Variants in PADI2 observed in about 807,000 individuals in gnomAD.
PADI2 encodes the protein peptidyl arginine deiminase 2.
A neutral mutation model predicts 81.1 loss-of-function variants in PADI2; 70 were observed. The observed-to-expected ratio is 0.86, with a 90% confidence interval of 0.71 to 1.05. The LOEUF (loss-of-function observed/expected upper bound fraction) is 1.05. Among genes scored for constraint, PADI2 ranks in the 50% least tolerant of loss-of-function variants. The probability of loss-of-function intolerance (pLI) is 0.00; values close to 1 mark genes in which losing one functional copy is unlikely to be tolerated. For missense variants in PADI2, 853 were observed against 889.9 expected (o/e 0.96, Z 0.53); for synonymous variants, 338 against 358.0 (o/e 0.94, Z 0.63).
In PADI2 at chr1:17,090,616, TG is replaced by T. The variant is rs1557765357; in HGVS notation, c.655+1791del. On this transcript the variant is annotated intron_variant, in intron 6 of 15. Coordinates refer to ENST00000375486, the MANE Select transcript of PADI2 (RefSeq NM_007365.3). ...GTGTGTGTGTGTGTGTGTGTGTGTG[TG>T]TCTAAGAGTTTTCACCCAGTGACCC... Among the ~76,000 whole-genome samples, 7 of 147,660 alleles carry T rather than the reference TG, an allele frequency of 4.7e-5. No individual in the cohort carries two copies. In the East Asian group the frequency reaches 8.3e-4, roughly 17 times the overall value.
chr1:17,116,311 T>C (rs1309631611), intron 1 of PADI2, among the ~76,000 whole-genome samples: 1 of 152,142 alleles, frequency 6.6e-6, no homozygotes, highest in Non-Finnish European at 1.5e-5. Flanking sequence ...CCAGAGCCCT[T>C]GGGAAAGGGA....
chr1:17,115,326 C>G lies in PADI2; in HGVS notation c.92+3954G>C, dbSNP rs1339260713. Among the ~76,000 whole-genome samples the G allele has an allele frequency of 5.3e-5, 8 of 152,368 alleles. No homozygotes were observed. Among genetic ancestry groups the G allele is most frequent in the African/African-American group, 1.7e-4 (7 of 41,598 alleles). Reference sequence around the variant, plus strand: ...CTCACAGACGCAGCTGGAACCTCTGCACAGGCAAAGGGACAATGTTAAGAT... The same window carrying G: ...CTCACAGACGCAGCTGGAACCTCTGGACAGGCAAAGGGACAATGTTAAGAT... On this transcript the variant is annotated intron_variant, in intron 1 of 15. Coordinates refer to ENST00000375486, the MANE Select transcript of PADI2 (RefSeq NM_007365.3). The surrounding 1 kb of genome is among the most constrained non-coding windows in gnomAD (Gnocchi z 4.1).
chr1:17,087,417 A>G (rs918651418), intron 6 of PADI2, among the ~76,000 whole-genome samples: 4 of 152,222 alleles, frequency 2.6e-5, no homozygotes, highest in African/African-American at 9.6e-5. Flanking sequence ...CCCCAGAGAC[A>G]AAGCCAGGGG....
intron 6 of PADI2, 81 bp downstream of exon 6, chr1:17,092,327 A>C (rs1401481626): frequency 8.3e-7 from 1 of 1,210,698 alleles, no homozygotes; most frequent in Non-Finnish European, 1.2e-6. Flanking sequence ...AGGCACCTGC[A>C]CCTGTGAAGG....
chr1:17,084,147 T>C (rs2078368072), intron 8 of PADI2, among the ~76,000 whole-genome samples: 1 of 152,190 alleles, frequency 6.6e-6, no homozygotes, highest in African/African-American at 2.4e-5. Context: ...GGCATGAAGA[T>C]GGGATGGACG....
intron 4 of PADI2, among the ~76,000 whole-genome samples, chr1:17,095,276 A>G (rs879592820): frequency 6.6e-6 from 1 of 152,244 alleles, no homozygotes; most frequent in Non-Finnish European, 1.5e-5. Context: ...TGCCGTCTGC[A>G]CAAATTAAAA....
intron 1 of PADI2, among the ~76,000 whole-genome samples, chr1:17,106,012 G>C (rs1049742149): frequency 1.2e-4 from 18 of 152,284 alleles, no homozygotes; most frequent in African/African-American, 4.3e-4. Flanking sequence ...GCAGAGCTGG[G>C]CCTGGAACCC....
chr1:17,082,127 T>C (rs2746527), intron 10 of PADI2, among the ~76,000 whole-genome samples: 148,011 of 151,960 alleles, frequency 0.97, 72,088 homozygotes, highest in East Asian at 1. Flanking sequence ...AACACACACA[T>C]ACACACGCAC....
chr1:17,095,393 G>A (rs139074945), intron 4 of PADI2, among the ~76,000 whole-genome samples: 4,171 of 152,150 alleles, frequency 0.027, 75 homozygotes, highest in Non-Finnish European at 0.038. Flanking sequence ...GAATGGGAGT[G>A]GGGAATGCAA....
At chr1:17,100,013 G>T (rs528643643) in intron 3 of PADI2, among the ~76,000 whole-genome samples, 2 of 150,160 alleles carry the variant, frequency 1.3e-5, no homozygotes, top group South Asian at 4.2e-4. Flanking sequence ...TTGTGCCCAG[G>T]GGACAGTCCC....
intron 6 of PADI2, among the ~76,000 whole-genome samples, chr1:17,087,390 A>T (rs1333441669): frequency 6.6e-6 from 1 of 152,198 alleles, no homozygotes; most frequent in Non-Finnish European, 1.5e-5. Context: ...GTCACTTGCA[A>T]CAATCCAGCC....
intron 11 of PADI2, among the ~76,000 whole-genome samples, chr1:17,078,258 T>C (rs983162459): frequency 1.3e-4 from 20 of 152,086 alleles, no homozygotes; most frequent in African/African-American, 4.8e-4. Flanking sequence ...ATTACAGGCA[T>C]GTGCCACCAC....
intron 11 of PADI2, among the ~76,000 whole-genome samples, chr1:17,077,508 T>C (rs1475474387): frequency 6.6e-6 from 1 of 152,100 alleles, no homozygotes; most frequent in African/African-American, 2.4e-5. Flanking sequence ...CTTTCTATCG[T>C]TGCAAGTCCC....
chr1:17,080,098 C>G (rs1012663337), intron 10 of PADI2, among the ~76,000 whole-genome samples: 1 of 152,102 alleles, frequency 6.6e-6, no homozygotes, highest in South Asian at 2.1e-4. Context: ...GCCCGTTTCC[C>G]CATCTATAAG....
chr1:17,119,179 A>T lies in PADI2; in HGVS notation c.92+101T>A. The T allele has an allele frequency of 1.2e-6, 1 of 809,824 alleles. No homozygotes were observed. 50.2% of individuals were successfully genotyped at this position (809,824 alleles called of 1,614,324 possible). A position where few individuals can be genotyped will look rare whatever the true frequency, so the allele number is the denominator to read the frequency against. On this transcript the variant is annotated intron_variant, in intron 1 of 15. Transcript: ENST00000375486. The surrounding 1 kb of genome is among the most constrained non-coding windows in gnomAD (Gnocchi z 4.8). Reference sequence around the variant, plus strand: ...GCTCGGGGGCTCGGGATGAGGGACAACTCGGGCTGGACAAAGGCTGTCCAC... The same window carrying T: ...GCTCGGGGGCTCGGGATGAGGGACATCTCGGGCTGGACAAAGGCTGTCCAC...
At chr1:17,070,067 T>C (rs1363397984) in intron 15 of PADI2, 21 bp downstream of exon 15, 10 of 1,611,638 alleles carry the variant, frequency 6.2e-6, no homozygotes, top group Non-Finnish European at 8.5e-6. Context: ...GGGGCGAGGG[T>C]TGGGGTCTGC....
intron 1 of PADI2, 24 bp from the exon 2 acceptor site, chr1:17,105,085 T>A (rs766079732): frequency 6.6e-7 from 1 of 1,508,064 alleles, no homozygotes; most frequent in Non-Finnish European, 8.9e-7. Flanking sequence ...TGAGAGAGGG[T>A]TAGGGAGAGC....
Position 17,115,338 on chromosome 1 carries a change from G to A in PADI2, c.92+3942C>T, listed in dbSNP as rs1191066588. On this transcript the variant is annotated intron_variant, in intron 1 of 15. Transcript: ENST00000375486. The surrounding 1 kb of genome is among the most constrained non-coding windows in gnomAD (Gnocchi z 4.1). ...GCTGGAACCTCTGCACAGGCAAAGG[G>A]ACAATGTTAAGATCATTCCAGTGTC... 3.9e-5 allele frequency among the ~76,000 whole-genome samples: 6 copies of A among 152,238 alleles called. No homozygotes were observed. The highest frequency in any genetic ancestry group is 1.4e-4 in the African/African-American group (6 of 41,460).
Position 17,071,326 on chromosome 1 carries a change from C to G in PADI2, c.1635+80G>C, listed in dbSNP as rs759456113. 18 of 1,058,332 alleles carry G rather than the reference C, an allele frequency of 1.7e-5. No individual in the cohort carries two copies. In the South Asian group the frequency reaches 2.3e-4, roughly 14 times the overall value. 65.6% of individuals were successfully genotyped at this position (1,058,332 alleles called of 1,614,324 possible). ...CTCCTGAGCCCTTGGCCATTCTCTA[C>G]GGAAGCCCCAAGGATGTAAGGGCCT... is the stretch of plus-strand genomic sequence containing the variant. On this transcript the variant is annotated intron_variant, in intron 14 of 15. Transcript: ENST00000375486.
Sources: allele counts gnomAD v4.1 joint callset (sites outside exome capture counted in the v4.1 genomes callset), GRCh38; gene constraint gnomAD v4.1.1; non-coding constraint Gnocchi (gnomAD v3.1); transcripts MANE v1.5; gene names NCBI Gene and HGNC (gene_info 2026-07-23, HGNC 2026-07-21).